Variants in ADCK1 observed in about 807,000 individuals in gnomAD.
ADCK1 encodes the protein aarF domain-containing protein kinase 1.
Under a neutral mutation model 52.3 loss-of-function variants are expected in ADCK1, and 41 were observed. The observed-to-expected ratio is 0.78, with a 90% CI of 0.61 to 1.02. The LOEUF is 1.02. ADCK1 is among the 50% of genes least tolerant of loss of function. ADCK1 has a pLI of 0.00. For synonymous variants in ADCK1, 250 were observed against 274.6 expected (o/e 0.91, Z 0.89); for missense variants, 658 against 679.5 (o/e 0.97, Z 0.35).
chr14:77,890,272 C>A (rs1354218155), intron 5 of ADCK1, among the ~76,000 whole-genome samples: 2 of 152,124 alleles, frequency 1.3e-5, no homozygotes, highest in Non-Finnish European at 2.9e-5. Flanking sequence ...CAAGTTGGTG[C>A]TAGCTGTTGT....
At chr14:77,846,151 T>A (rs79789531) in intron 3 of ADCK1, among the ~76,000 whole-genome samples, 1 of 152,212 alleles carries the variant, frequency 6.6e-6, no homozygotes, top group East Asian at 1.9e-4. Flanking sequence ...CACTATAGTA[T>A]CTCCTTCCGA....
intron 4 of ADCK1, among the ~76,000 whole-genome samples, chr14:77,879,758 G>A (rs992587128): frequency 1.3e-5 from 2 of 152,134 alleles, no homozygotes; most frequent in African/African-American, 4.8e-5. Context: ...GGGGAAATGA[G>A]GGTGGTGGCT....
chr14:77,931,873 G>C (rs1437883676), intron 10 of ADCK1, among the ~76,000 whole-genome samples, 162 bp downstream of exon 10: 1 of 152,122 alleles, frequency 6.6e-6, no homozygotes, highest in African/African-American at 2.4e-5. Flanking sequence ...AATGTTTTCT[G>C]AGAGTCTCAG....
chr14:77,874,228 T>G (rs981197886), intron 4 of ADCK1, among the ~76,000 whole-genome samples: 4 of 152,224 alleles, frequency 2.6e-5, no homozygotes, highest in African/African-American at 9.6e-5. Flanking sequence ...CTGATGCCTC[T>G]GAGGAGCTTA....
intron 1 of ADCK1, among the ~76,000 whole-genome samples, chr14:77,808,822 C>A (rs142963300): frequency 6.6e-6 from 1 of 152,192 alleles, no homozygotes; most frequent in African/African-American, 2.4e-5. Context: ...GTGATCCACC[C>A]GCCTTGGCCT....
chr14:77,809,837 C>A (rs1224126190), intron 1 of ADCK1, among the ~76,000 whole-genome samples: 1 of 151,212 alleles, frequency 6.6e-6, no homozygotes, highest in Admixed American at 6.6e-5. Flanking sequence ...GAGTTCGAGA[C>A]CAGCCTGACC....
At chr14:77,825,507 T>G (rs979180439) in intron 3 of ADCK1, among the ~76,000 whole-genome samples, 1 of 152,178 alleles carries the variant, frequency 6.6e-6, no homozygotes, top group African/African-American at 2.4e-5. Context: ...GTCAGATGTC[T>G]CCTACAAGGT....
At chr14:77,871,412 T>C (rs762795887) in intron 4 of ADCK1, among the ~76,000 whole-genome samples, 9 of 152,058 alleles carry the variant, frequency 5.9e-5, no homozygotes, top group Non-Finnish European at 1.3e-4. Context: ...GGCTGGAGTG[T>C]AGTGGCATGA....
At chr14:77,841,353 C>G (rs1382964582) in intron 3 of ADCK1, among the ~76,000 whole-genome samples, 1 of 152,066 alleles carries the variant, frequency 6.6e-6, no homozygotes, top group Non-Finnish European at 1.5e-5. Flanking sequence ...CTGGAGGAAC[C>G]CTGGGAGCTC....
chr14:77,896,794 T>C (rs944583034), intron 5 of ADCK1, among the ~76,000 whole-genome samples: 4 of 152,218 alleles, frequency 2.6e-5, no homozygotes, highest in Admixed American at 2.6e-4. Flanking sequence ...GTCACAGGTC[T>C]AGCCCATGAA....
At position 77,933,216 on chromosome 14, in the gene ADCK1, C is replaced by A; in HGVS notation, c.1401-4C>A. ...TTTCTCCTTTTTTCTTTCCCTTTTTCCAGGCACAAGAAGAAGAATACCTGT... is the reference window on the plus strand; with the variant it reads ...TTTCTCCTTTTTTCTTTCCCTTTTTACAGGCACAAGAAGAAGAATACCTGT... On this transcript the variant is annotated splice_region_variant and splice_polypyrimidine_tract_variant and intron_variant, in intron 10 of 10. Coordinates refer to ENST00000238561, the MANE Select transcript of ADCK1 (RefSeq NM_020421.4). The A allele has an allele frequency of 6.2e-7, 1 of 1,609,308 alleles. No individual in the cohort carries two copies.
Position 77,887,206 on chromosome 14 carries a change from CA to C in ADCK1, c.542del (p.Lys181ArgfsTer12), listed in dbSNP as rs760267831. On this transcript the variant is annotated frameshift_variant, in exon 5 of 11. Coordinates refer to ENST00000238561, the MANE Select transcript of ADCK1 (RefSeq NM_020421.4). LOFTEE classifies it high-confidence loss of function. The stretch of plus-strand genomic sequence containing the variant: ...ACGGTGGCCGTGAAGGTCCAGCACC[CA>C]AAGGTGCGGGCTCAGAGCTCGAAGG... Reference protein sequence around the residue: ...GRTVAVKVQHPKVRAQSSKDI... With the variant: ...GRTVAVKVQHXKVRAQSSKDI... 5 of 1,609,416 alleles carry C rather than the reference CA, an allele frequency of 3.1e-6. No homozygotes were observed. The South Asian group carries it at 4.4e-5, about 14-fold the overall frequency.
chr14:77,875,489 TAA>T lies in ADCK1; in HGVS notation c.424-11593_424-11592del, dbSNP rs11365781. Reference sequence around the variant, plus strand: ...CCTACGGTCCCTGGTTTCTAGATATTAAAAAAAAAAGAAAACTCCTTAGCACC... The same window carrying T: ...CCTACGGTCCCTGGTTTCTAGATATTAAAAAAAAGAAAACTCCTTAGCACC... On this transcript the variant is annotated intron_variant, in intron 4 of 10. Coordinates refer to ENST00000238561, the MANE Select transcript of ADCK1 (RefSeq NM_020421.4). 3.9e-4 allele frequency among the ~76,000 whole-genome samples: 58 copies of T among 150,014 alleles called. 2 individuals are homozygous for T. In the East Asian group the frequency reaches 9.9e-3, roughly 26 times the overall value.
Position 77,816,669 on chromosome 14 carries a change from CG to C in ADCK1, c.-11-2298del, listed in dbSNP as rs561649321. 3.2e-3 allele frequency among the ~76,000 whole-genome samples: 493 copies of C among 151,884 alleles called. 4 individuals are homozygous for C. Among genetic ancestry groups the C allele is most frequent in the African/African-American group, 0.011 (468 of 41,426 alleles). On this transcript the variant is annotated intron_variant, in intron 1 of 10. Transcript: ENST00000238561. ...GTCTCCTTTATAATAAGCCAGCAAACGTAAGTGTGTACCTGAGTTCTGTGAG... is the reference window on the plus strand; with the variant it reads ...GTCTCCTTTATAATAAGCCAGCAAACTAAGTGTGTACCTGAGTTCTGTGAG...
chr14:77,841,088 G>T (rs1247249245), intron 3 of ADCK1, among the ~76,000 whole-genome samples: 1 of 152,190 alleles, frequency 6.6e-6, no homozygotes, highest in Non-Finnish European at 1.5e-5. Flanking sequence ...CACAGTGACT[G>T]CAGGGCATTA....
chr14:77,882,547 C>T (rs1393408614), intron 4 of ADCK1, among the ~76,000 whole-genome samples: 6 of 152,262 alleles, frequency 3.9e-5, no homozygotes, highest in Non-Finnish European at 8.8e-5. Context: ...AGTGGGCTAT[C>T]TTGGAAGAAT....
chr14:77,917,933 C>T lies in ADCK1; in HGVS notation c.859-6524C>T, dbSNP rs928007814. Among the ~76,000 whole-genome samples the T allele has an allele frequency of 5.3e-5, 8 of 152,232 alleles. No individual in the cohort carries two copies. The East Asian group carries it at 1.2e-3, about 22-fold the overall frequency. On this transcript the variant is annotated intron_variant, in intron 7 of 10. Transcript: ENST00000238561. ...TGAGTGGAGAGGCAGTATAACGGAGCGATTGAGGCCTGTTCTCTGGAGCCA... is the reference window on the plus strand; with the variant it reads ...TGAGTGGAGAGGCAGTATAACGGAGTGATTGAGGCCTGTTCTCTGGAGCCA...
intron 4 of ADCK1, among the ~76,000 whole-genome samples, chr14:77,873,855 A>C (rs934603848): frequency 1.5e-4 from 23 of 152,178 alleles, no homozygotes; most frequent in Non-Finnish European, 2.9e-5. Flanking sequence ...TTTCTTTATA[A>C]ATTCCCCAGC....
intron 4 of ADCK1, among the ~76,000 whole-genome samples, chr14:77,870,253 AAGC>A (rs1428644629): frequency 6.6e-6 from 1 of 152,212 alleles, no homozygotes; most frequent in Non-Finnish European, 1.5e-5. Flanking sequence ...AGCCAGTAAG[AAGC>A]AGAACCAGGA....
Sources: allele counts gnomAD v4.1 joint callset (sites outside exome capture counted in the v4.1 genomes callset), GRCh38; gene constraint gnomAD v4.1.1; transcripts MANE v1.5; gene names NCBI Gene and HGNC (gene_info 2026-07-23, HGNC 2026-07-21).